The following CFAP52 variants were observed in gnomAD, a reference collection of about 807,000 sequenced individuals.
CFAP52 encodes cilia and flagella associated protein 52.
In CFAP52, 57 loss-of-function variants were observed where a neutral mutation model predicts 70.5. The observed-to-expected ratio is 0.81, with a 90% confidence interval of 0.65 to 1.01. The LOEUF (loss-of-function observed/expected upper bound fraction) is 1.01, where lower values mean the gene tolerates loss of function less well. CFAP52 is among the 50% of genes least tolerant of loss of function. CFAP52 has a pLI of 0.00. For missense variants in CFAP52, 785 were observed against 788.5 expected (o/e 1.00, Z 0.05); for synonymous variants, 267 against 292.5 (o/e 0.91, Z 0.89).
At chr17:9,605,979 G>A (rs1257890051) in intron 6 of CFAP52, among the ~76,000 whole-genome samples, 1 of 152,118 alleles carries the variant, frequency 6.6e-6, no homozygotes, top group Non-Finnish European at 1.5e-5. Context: ...GATAATGGGA[G>A]AGGCTCTTTA....
intron 1 of CFAP52, among the ~76,000 whole-genome samples, chr17:9,581,820 T>C (rs573398722): frequency 1.3e-5 from 2 of 152,366 alleles, no homozygotes; most frequent in East Asian, 3.9e-4. Context: ...TGTAACATAA[T>C]TGGCTCAGCC....
At chr17:9,629,227 A>G (rs1910354220) in intron 9 of CFAP52, among the ~76,000 whole-genome samples, 1 of 152,224 alleles carries the variant, frequency 6.6e-6, no homozygotes, top group South Asian at 2.1e-4. Flanking sequence ...ATTTTATGCC[A>G]TTTAGCATAA....
chr17:9,596,906 G>A (rs888011139), intron 4 of CFAP52, among the ~76,000 whole-genome samples: 4 of 151,974 alleles, frequency 2.6e-5, no homozygotes, highest in South Asian at 2.1e-4. Context: ...TAATAGAGAC[G>A]GGGTTTTCAC....
chr17:9,615,909 G>A (rs1390009666), intron 8 of CFAP52, among the ~76,000 whole-genome samples: 1 of 146,206 alleles, frequency 6.8e-6, no homozygotes, highest in Admixed American at 7.2e-5. Context: ...CAGAGCACAG[G>A]CCTCTCAGAT....
intron 1 of CFAP52, chr17:9,584,050 G>C (rs968308138): frequency 3.6e-6 from 1 of 275,548 alleles, no homozygotes; most frequent in African/African-American, 2.7e-5. Context: ...TGTGAAACAT[G>C]TGCAGTCTCA....
intron 6 of CFAP52, among the ~76,000 whole-genome samples, chr17:9,607,220 C>T (rs748194407): frequency 4.6e-5 from 7 of 152,124 alleles, no homozygotes; most frequent in Non-Finnish European, 1.0e-4. Context: ...ATGGCGCATG[C>T]CTATAATCCC....
At chr17:9,607,366 A>C (rs1049770182) in intron 6 of CFAP52, among the ~76,000 whole-genome samples, 8 of 152,242 alleles carry the variant, frequency 5.3e-5, no homozygotes, top group Non-Finnish European at 1.2e-4. Flanking sequence ...TAGTAATAAC[A>C]AATAAATAAA....
chr17:9,638,161 A>G (rs1448280558), intron 11 of CFAP52, among the ~76,000 whole-genome samples: 7 of 152,344 alleles, frequency 4.6e-5, no homozygotes, highest in Non-Finnish European at 8.8e-5. Flanking sequence ...TACATCGATG[A>G]TTAAAACATA....
At chr17:9,595,338 A>G (rs1036317047) in intron 4 of CFAP52, among the ~76,000 whole-genome samples, 1 of 152,036 alleles carries the variant, frequency 6.6e-6, no homozygotes, top group African/African-American at 2.4e-5. Flanking sequence ...CTACATCTAT[A>G]TTGTTTCCTG....
chr17:9,626,578 G>A (rs1340794785), intron 8 of CFAP52, among the ~76,000 whole-genome samples: 1 of 152,186 alleles, frequency 6.6e-6, no homozygotes, highest in African/African-American at 2.4e-5. Flanking sequence ...ATTTTCATGA[G>A]TGGTCCATGA....
At chr17:9,585,656 G>A (rs1908430552) in intron 1 of CFAP52, 117 bp from the exon 2 acceptor site, 2 of 1,074,070 alleles carry the variant, frequency 1.9e-6, no homozygotes, top group Non-Finnish European at 2.8e-6. Context: ...TGGGTGACAA[G>A]TGCAAGACTC....
intron 1 of CFAP52, among the ~76,000 whole-genome samples, chr17:9,583,892 T>C (rs944831609): frequency 6.6e-6 from 1 of 152,158 alleles, no homozygotes; most frequent in Non-Finnish European, 1.5e-5. Flanking sequence ...AGCTAAAAAC[T>C]CAAGAGATGA....
downstream of CFAP52, chr17:9,645,432 C>T: frequency 2.9e-6 from 1 of 350,664 alleles, no homozygotes; most frequent in Non-Finnish European, 4.6e-6. The surrounding 1 kb of genome is among the most constrained non-coding windows in gnomAD (Gnocchi z 6.8). Context: ...CCCGGCGCTG[C>T]CCTGGAGGGG....
intron 10 of CFAP52, among the ~76,000 whole-genome samples, chr17:9,634,039 G>A (rs1291894848): frequency 6.6e-6 from 1 of 152,176 alleles, no homozygotes; most frequent in Admixed American, 6.5e-5. Flanking sequence ...ACACCCAGAC[G>A]TTTTGACCAT....
chr17:9,631,058 G>GAAAGAAAGAAAGAA (rs1910501880), intron 9 of CFAP52, among the ~76,000 whole-genome samples: 2 of 115,676 alleles, frequency 1.7e-5, no homozygotes, highest in Non-Finnish European at 3.5e-5. Context: ...GAGAGAGAAA[G>GAAAGAAAGAAAGAA]AAAGAAAGAA....
chr17:9,594,430 T>C (rs527331548), intron 4 of CFAP52, 109 bp downstream of exon 4: 11 of 1,355,466 alleles, frequency 8.1e-6, no homozygotes, highest in East Asian at 5.0e-5. Flanking sequence ...CCTGGATAAA[T>C]ACCTTACATC....
chr17:9,628,880 C>G, intron 9 of CFAP52, 60 bp downstream of exon 9: 2 of 1,606,898 alleles, frequency 1.2e-6, no homozygotes, highest in Non-Finnish European at 1.7e-6. Flanking sequence ...ATTCTTGTCA[C>G]TCTCCTCCCA....
chr17:9,611,664 T>C (rs569454129), intron 7 of CFAP52, among the ~76,000 whole-genome samples: 1 of 152,284 alleles, frequency 6.6e-6, no homozygotes, highest in South Asian at 2.1e-4. Context: ...CTGTACAAGC[T>C]CTGAAATGAT....
intron 4 of CFAP52, 70 bp downstream of exon 4, chr17:9,594,391 A>T: frequency 6.4e-7 from 1 of 1,554,782 alleles, no homozygotes; most frequent in Non-Finnish European, 8.7e-7. Context: ...AAACATGGTC[A>T]TTCTGATCTG....
Sources: allele counts gnomAD v4.1 joint callset (sites outside exome capture counted in the v4.1 genomes callset), GRCh38; gene constraint gnomAD v4.1.1; non-coding constraint Gnocchi (gnomAD v3.1); transcripts MANE v1.5; gene names NCBI Gene and HGNC (gene_info 2026-07-23, HGNC 2026-07-21).